The following ATXN7 variants were observed in gnomAD, a reference collection of about 807,000 sequenced individuals.
ATXN7 encodes ataxin 7, also known as ataxin-7.
A neutral mutation model predicts 70.5 loss-of-function variants in ATXN7; 12 were observed. That is an observed-to-expected ratio of 0.17 (90% CI 0.11 to 0.28). ATXN7 has a LOEUF of 0.28. ATXN7 is among the 10% of genes least tolerant of loss of function. The pLI, the probability that ATXN7 is intolerant of heterozygous loss-of-function variation, is 1.00. For missense variants in ATXN7, 1,256 were observed against 1,131.7 expected, an observed-to-expected ratio of 1.11 and a Z score of -1.58; for synonymous variants, 498 against 448.7, an observed-to-expected ratio of 1.11 and a Z score of -1.39.
chr3:63,999,892 C>A lies in ATXN7; in HGVS notation c.*425C>A. On this transcript the variant is annotated 3_prime_UTR_variant, in exon 13 of 13. Transcript: ENST00000674280. ...TCCTTTTACTACCATTTTTTTTTAACACTGTCATCTGTAGGTCACTCTCCA... is the reference window on the plus strand; with the variant it reads ...TCCTTTTACTACCATTTTTTTTTAAAACTGTCATCTGTAGGTCACTCTCCA... 4.0e-6 allele frequency: 1 copy of A among 248,886 alleles called. No individual in the cohort carries two copies. The highest frequency in any genetic ancestry group is 7.9e-6 in the Non-Finnish European group (1 of 126,030). 15.4% of individuals were successfully genotyped at this position (248,886 alleles called of 1,614,324 possible). A position where few individuals can be genotyped will look rare whatever the true frequency, so the allele number is the denominator to read the frequency against.
At chr3:63,879,560 C>T (rs1000068804) in intron 1 of ATXN7, among the ~76,000 whole-genome samples, 9 of 149,694 alleles carry the variant, frequency 6.0e-5, no homozygotes, top group Non-Finnish European at 1.2e-4. Flanking sequence ...GGCGCGATCT[C>T]GGCTCACTGC....
intron 1 of ATXN7, among the ~76,000 whole-genome samples, chr3:63,894,297 A>G (rs1314409022): frequency 6.6e-6 from 1 of 152,208 alleles, no homozygotes; most frequent in South Asian, 2.1e-4. Context: ...GGAATTTTAT[A>G]TGAATCTTCC....
intron 1 of ATXN7, among the ~76,000 whole-genome samples, chr3:63,871,297 TG>T (rs1463751781): frequency 2.0e-5 from 3 of 152,188 alleles, no homozygotes; most frequent in East Asian, 3.9e-4. Context: ...TTTAAAAAAT[TG>T]TTTGCCATTT....
rs1490179526 is a variant in ATXN7 at position 63,979,976 on chromosome 3, C to T, written c.561C>T (p.Ser187=). 1.2e-5 allele frequency: 19 copies of T among 1,614,210 alleles called. No individual in the cohort carries two copies. The highest frequency in any genetic ancestry group is 1.5e-5 in the Non-Finnish European group (18 of 1,180,036). ...PLAVPPTSVF[S]FFPSLSKSKG... The stretch of plus-strand genomic sequence containing the variant: ...CCGTTCCTCCCACTTCAGTATTTTC[C>T]TTCTTCCCTTCTCTGTCCAAAAGCA... Residue 187 remains serine (S), a synonymous_variant, in exon 6 of 13, where the codon TCC becomes TCT. Transcript: ENST00000674280.
intron 5 of ATXN7, chr3:63,967,824 G>C: frequency 6.6e-7 from 1 of 1,519,472 alleles, no homozygotes; most frequent in South Asian, 1.2e-5. Context: ...CCCAAACATG[G>C]AGCATATTTG....
At chr3:63,988,479 A>G in intron 9 of ATXN7, 155 bp downstream of exon 9, 1 of 1,085,838 alleles carries the variant, frequency 9.2e-7, no homozygotes, top group South Asian at 1.7e-5. Context: ...AAAAAAGGAA[A>G]GGTTGAGTTC....
intron 1 of ATXN7, chr3:63,867,053 A>T (rs1024238107): frequency 9.9e-5 from 15 of 151,742 alleles, no homozygotes; most frequent in Admixed American, 3.9e-4. Context: ...ATTATGAGAG[A>T]GCTAGCTATA....
At position 63,999,762 on chromosome 3, in the gene ATXN7, TTTTG is replaced by T. The variant is rs1293680450; in HGVS notation, c.*299_*302del. 1.8e-6 allele frequency: 1 copy of T among 567,096 alleles called. No individual in the cohort carries two copies. Among genetic ancestry groups the T allele is most frequent in the Non-Finnish European group, 3.1e-6 (1 of 318,574 alleles). 35.1% of individuals were successfully genotyped at this position (567,096 alleles called of 1,614,324 possible). A position where few individuals can be genotyped will look rare whatever the true frequency, so the allele number is the denominator to read the frequency against. ...AATCTGTGAGAAGTTTTTGTTTTTG[TTTTG>T]TTTTTTAACTTGCAGTATATCACAG... On this transcript the variant is annotated 3_prime_UTR_variant, in exon 13 of 13. Transcript: ENST00000674280.
At chr3:63,895,329 C>T in intron 1 of ATXN7, among the ~76,000 whole-genome samples, 1 of 152,130 alleles carries the variant, frequency 6.6e-6, no homozygotes. Context: ...GCCATTTTCC[C>T]TGTAAAAGCC....
At chr3:63,959,173 C>G (rs2075083661) in intron 5 of ATXN7, among the ~76,000 whole-genome samples, 1 of 152,204 alleles carries the variant, frequency 6.6e-6, no homozygotes, top group Non-Finnish European at 1.5e-5. Flanking sequence ...TATCTAAAGC[C>G]AAACTCCTCC....
rs114810743 is a variant in ATXN7 at position 63,921,802 on chromosome 3, G to A, written c.394+8577G>A. Among the ~76,000 whole-genome samples, 784 of 152,272 alleles carry A rather than the reference G, an allele frequency of 5.1e-3. 7 individuals carry two copies. The highest frequency in any genetic ancestry group is 0.027 in the Middle Eastern group (8 of 294). On this transcript the variant is annotated intron_variant, in intron 4 of 12. Coordinates refer to ENST00000674280, the MANE Select transcript of ATXN7 (RefSeq NM_001377405.1). ...GACTCAGGTATAAAATGAGAATAATGCTAGTAACTAATAGGGGTTGGGAGA... is the reference window on the plus strand; with the variant it reads ...GACTCAGGTATAAAATGAGAATAATACTAGTAACTAATAGGGGTTGGGAGA...
intron 4 of ATXN7, among the ~76,000 whole-genome samples, chr3:63,927,743 T>G (rs1704774843): frequency 1.3e-5 from 2 of 152,166 alleles, no homozygotes. Flanking sequence ...TTCCCTTTAT[T>G]TCTGTTTCTA....
At chr3:63,992,488 A>G (rs1054960567) in intron 11 of ATXN7, among the ~76,000 whole-genome samples, 5 of 152,176 alleles carry the variant, frequency 3.3e-5, no homozygotes, top group African/African-American at 9.6e-5. Context: ...AGCTCATGAA[A>G]CTATGGGTTT....
intron 5 of ATXN7, among the ~76,000 whole-genome samples, chr3:63,972,927 G>T (rs1169259164): frequency 6.6e-6 from 1 of 152,164 alleles, no homozygotes; most frequent in Non-Finnish European, 1.5e-5. Context: ...AAATAAACAA[G>T]CCTGTAGCTG....
chr3:63,947,221 GCTCT>G (rs1440639672), intron 4 of ATXN7, among the ~76,000 whole-genome samples: 1 of 152,202 alleles, frequency 6.6e-6, no homozygotes, highest in East Asian at 1.9e-4. Flanking sequence ...GCATGTAGTA[GCTCT>G]CTTAGTCTTT....
chr3:63,960,171 G>A (rs2075104024), intron 5 of ATXN7, among the ~76,000 whole-genome samples: 1 of 152,320 alleles, frequency 6.6e-6, no homozygotes, highest in Admixed American at 6.5e-5. Flanking sequence ...ATTTGAAGAT[G>A]TAGAGGACAA....
chr3:63,892,127 G>T (rs529297930), intron 1 of ATXN7, among the ~76,000 whole-genome samples: 69 of 152,274 alleles, frequency 4.5e-4, no homozygotes, highest in Non-Finnish European at 7.1e-4. Context: ...GTTCTTATTG[G>T]TAGTGTTGAT....
At chr3:63,882,510 A>G (rs1702946788) in intron 1 of ATXN7, among the ~76,000 whole-genome samples, 1 of 151,416 alleles carries the variant, frequency 6.6e-6, no homozygotes, top group South Asian at 2.1e-4. Flanking sequence ...TCAGTCTCGC[A>G]AGTAGTTGGG....
In ATXN7 at chr3:63,912,782, G is replaced by C. The variant is rs1187973227; in HGVS notation, c.184G>C (p.Asp62His). ...PPPPRRTRPEDGGPGAASTSA... is the reference protein window; with the variant it reads ...PPPPRRTRPEHGGPGAASTSA... ...GCCGCCACGGCGCACACGGCCGGAG[G>C]ACGGCGGGCCCGGCGCCGCCTCCAC... The change falls in exon 3 of 13, where the codon GAC becomes CAC. Residue 62 changes from aspartate to histidine, a missense_variant. Physicochemically the swap from Asp to His is moderately conservative, Grantham distance 81. Coordinates refer to ENST00000674280, the MANE Select transcript of ATXN7 (RefSeq NM_001377405.1). The C allele has an allele frequency of 6.6e-7, 1 of 1,516,478 alleles. No homozygotes were observed. The highest frequency in any genetic ancestry group is 1.2e-5 in the South Asian group (1 of 80,478). 93.9% of individuals were successfully genotyped at this position (1,516,478 alleles called of 1,614,324 possible). A position where few individuals can be genotyped will look rare whatever the true frequency, so the allele number is the denominator to read the frequency against.
Sources: gnomAD v4.1 joint callset for allele counts (sites outside exome capture counted in the v4.1 genomes callset) on GRCh38, gnomAD v4.1.1 for gene constraint, MANE v1.5 for transcripts, NCBI Gene and HGNC (gene_info 2026-07-23, HGNC 2026-07-21) for gene names.